ZNF426: variants seen among roughly 807,000 people sequenced by gnomAD.
ZNF426 encodes the protein CTC-543D15.7.
In ZNF426, 23 loss-of-function variants were observed where a neutral mutation model predicts 24.0. The ratio of observed to expected loss-of-function variants is 0.96; its 90% CI spans 0.69 to 1.36. The LOEUF is 1.36. Ranked by LOEUF, ZNF426 falls within the 40% of genes most tolerant of loss-of-function variation. ZNF426 has a pLI of 0.00. For missense variants in ZNF426, 646 were observed against 658.4 expected (o/e 0.98, Z 0.21); for synonymous variants, 272 against 224.6 (o/e 1.21, Z -1.89).
chr19:9,528,719 G>A lies in ZNF426; in HGVS notation c.1326C>T (p.His442=). ...PSCLNNHMRT[H]SAQKPYTCKE... ...TACAGGTGTATGGTTTCTGGGCACT[G>A]TGCGTTCGCATGTGATTATTAAGAC... The change falls in exon 8 of 8, where the codon CAC becomes CAT. Residue 442 remains histidine, a synonymous_variant. Coordinates refer to ENST00000253115, the MANE Select transcript of ZNF426 (RefSeq NM_024106.3). 1.2e-6 allele frequency: 2 copies of A among 1,614,146 alleles called. No individual in the cohort carries two copies. Among genetic ancestry groups the A allele is most frequent in the Non-Finnish European group, 1.7e-6 (2 of 1,180,020 alleles).
At chr19:9,531,611 T>C (rs2073884885) in intron 6 of ZNF426, among the ~76,000 whole-genome samples, 1 of 152,114 alleles carries the variant, frequency 6.6e-6, no homozygotes, top group African/African-American at 2.4e-5. Context: ...AAATTGATGC[T>C]ATGAAAATTA....
chr19:9,536,697 T>G, intron 2 of ZNF426: 1 of 208,636 alleles, frequency 4.8e-6, no homozygotes, highest in South Asian at 7.1e-5. Context: ...TTGGAAACAC[T>G]CAAATCAAAT....
In ZNF426 at chr19:9,536,331, C is replaced by T. The variant is rs1252857622; in HGVS notation, c.-99G>A. 6.2e-7 allele frequency: 1 copy of T among 1,610,062 alleles called. No individual in the cohort carries two copies. Among genetic ancestry groups the T allele is most frequent in the Admixed American group, 1.7e-5 (1 of 59,312 alleles). On this transcript the variant is annotated 5_prime_UTR_variant, in exon 3 of 8. Transcript: ENST00000253115. ...AAATGGACAGTGGCAATCTCCATTC[C>T]TCTTTAAACAGGGTTATTGGGATTC...
At chr19:9,533,262 A>G (rs568322434) in intron 5 of ZNF426, among the ~76,000 whole-genome samples, 10 of 150,608 alleles carry the variant, frequency 6.6e-5, no homozygotes, top group Non-Finnish European at 1.2e-4. Flanking sequence ...CCTGGCCAAC[A>G]TGGTGAAACC....
At position 9,529,370 on chromosome 19, in the gene ZNF426, T is replaced by C. The variant is rs2073846491; in HGVS notation, c.675A>G (p.Glu225=). Residue 225 remains glutamate, a synonymous_variant, in exon 8 of 8, where the codon GAA becomes GAG. Coordinates refer to ENST00000253115, the MANE Select transcript of ZNF426 (RefSeq NM_024106.3). ...TGAAGGATTTTCCACAGTGACTACA[T>C]TCAAATGACTTTTCTTGTGTGCTAG... ...QRTSTQEKSF[E]CSHCGKSFIN... is the part of the protein sequence containing the mutation. The C allele has an allele frequency of 1.3e-5, 21 of 1,614,112 alleles. No homozygotes were observed. Among genetic ancestry groups the C allele is most frequent in the Non-Finnish European group, 1.8e-5 (21 of 1,180,050 alleles).
Position 9,528,524 on chromosome 19 carries a change from C to A in ZNF426, c.1521G>T (p.Lys507Asn). ...AACACGTGAAGGCTTTCCCACACTC[C>A]TTGCATTCATAGGGTTTCTCTCCAG... is the stretch of plus-strand genomic sequence containing the variant. ...THTGEKPYEC[K>N]ECGKAFTCSS... is the part of the protein sequence containing the mutation. The change falls in exon 8 of 8, where the codon AAG becomes AAT. Residue 507 changes from lysine (K) to asparagine (N), a missense_variant. Physicochemically the swap from Lys to Asn is moderately conservative, Grantham distance 94. Coordinates refer to ENST00000253115, the MANE Select transcript of ZNF426 (RefSeq NM_024106.3). The A allele has an allele frequency of 6.2e-7, 1 of 1,614,048 alleles. No individual in the cohort carries two copies. Among genetic ancestry groups the A allele is most frequent in the Non-Finnish European group, 8.5e-7 (1 of 1,179,984 alleles).
At chr19:9,536,823 A>T (rs371027086) in intron 2 of ZNF426, among the ~76,000 whole-genome samples, 8 of 151,680 alleles carry the variant, frequency 5.3e-5, no homozygotes, top group South Asian at 4.2e-4. Context: ...TATCTGGTTA[A>T]TTTTTTTCCA....
Position 9,527,260 on chromosome 19 carries a change from T to C in ZNF426, c.*1120A>G, listed in dbSNP as rs2073803969. 1 of 152,168 alleles carries C rather than the reference T, an allele frequency of 6.6e-6. No individual in the cohort carries two copies. The highest frequency in any genetic ancestry group is 2.4e-5 in the African/African-American group (1 of 41,450). 9.4% of individuals were successfully genotyped at this position (152,168 alleles called of 1,614,324 possible). A position where few individuals can be genotyped will look rare whatever the true frequency, so the allele number is the denominator to read the frequency against. Reference sequence around the variant, plus strand: ...ATTAATGTAAGGCTTCCTACATGCATTACAGGTAAAAGGCTTCTCTCCAGT... The same window carrying C: ...ATTAATGTAAGGCTTCCTACATGCACTACAGGTAAAAGGCTTCTCTCCAGT... On this transcript the variant is annotated 3_prime_UTR_variant, in exon 8 of 8. Coordinates refer to ENST00000253115, the MANE Select transcript of ZNF426 (RefSeq NM_024106.3).
In ZNF426 at chr19:9,528,545, T is replaced by C; in HGVS notation, c.1500A>G (p.Gly500=). The change falls in exon 8 of 8, where the codon GGA becomes GGG. Residue 500 remains glycine, a synonymous_variant. Coordinates refer to ENST00000253115, the MANE Select transcript of ZNF426 (RefSeq NM_024106.3). ...ACTCCTTGCATTCATAGGGTTTCTCTCCAGTGTGAGTCCTTTCATGTATTT... is the reference window on the plus strand; with the variant it reads ...ACTCCTTGCATTCATAGGGTTTCTCCCCAGTGTGAGTCCTTTCATGTATTT... ...SFQIHERTHT[G]EKPYECKECG... 1 of 1,614,206 alleles carries C rather than the reference T, an allele frequency of 6.2e-7. No individual in the cohort carries two copies. The highest frequency in any genetic ancestry group is 1.1e-5 in the South Asian group (1 of 91,080).
chr19:9,533,721 G>A, intron 5 of ZNF426, 119 bp downstream of exon 5: 3 of 1,396,198 alleles, frequency 2.1e-6, no homozygotes, highest in Admixed American at 4.0e-5. Context: ...ATTTAGGACA[G>A]GGACTATGTC....
intron 5 of ZNF426, 114 bp downstream of exon 5, chr19:9,533,726 T>C: frequency 7.1e-7 from 1 of 1,405,302 alleles, no homozygotes; most frequent in Non-Finnish European, 9.9e-7. Context: ...GGACAGGGAC[T>C]ATGTCTCTGT....
At chr19:9,533,810 G>C in intron 5 of ZNF426, 30 bp downstream of exon 5, 2 of 1,613,122 alleles carry the variant, frequency 1.2e-6, no homozygotes, top group East Asian at 4.5e-5. Context: ...CAGTTCCATA[G>C]AAGGCTGCAA....
At chr19:9,537,162 C>A (rs2073979261) in intron 2 of ZNF426, among the ~76,000 whole-genome samples, 1 of 151,628 alleles carries the variant, frequency 6.6e-6, no homozygotes, top group African/African-American at 2.4e-5. Context: ...TAATGACAAT[C>A]ATTAATTAAT....
At chr19:9,533,221 G>C (rs1422457926) in intron 5 of ZNF426, among the ~76,000 whole-genome samples, 2 of 151,972 alleles carry the variant, frequency 1.3e-5, no homozygotes, top group African/African-American at 4.8e-5. Context: ...TGAGGCAGGT[G>C]GATCACTTGA....
At chr19:9,531,487 A>G (rs1568484551) in intron 6 of ZNF426, among the ~76,000 whole-genome samples, 1 of 152,234 alleles carries the variant, frequency 6.6e-6, no homozygotes, top group East Asian at 1.9e-4. Context: ...AAAAGCAGAA[A>G]GACATTTGGG....
chr19:9,528,509 G>A lies in ZNF426; in HGVS notation c.1536C>T (p.Ala512=), dbSNP rs1025051211. ...KPYECKECGK[A]FTCSSSFRIH... ...TTCTAAAGGAACTGGAACACGTGAAGGCTTTCCCACACTCCTTGCATTCAT... is the reference window on the plus strand; with the variant it reads ...TTCTAAAGGAACTGGAACACGTGAAAGCTTTCCCACACTCCTTGCATTCAT... Residue 512 remains alanine, a synonymous_variant, in exon 8 of 8, where the codon GCC becomes GCT. Transcript: ENST00000253115. The A allele has an allele frequency of 5.0e-6, 8 of 1,614,122 alleles. No homozygotes were observed. In the Admixed American group the frequency reaches 1.0e-4, roughly 20 times the overall value.
At chr19:9,534,617 C>T (rs952359703) in intron 4 of ZNF426, among the ~76,000 whole-genome samples, 7 of 148,680 alleles carry the variant, frequency 4.7e-5, no homozygotes, top group African/African-American at 1.5e-4. Context: ...TTTTTTGAGA[C>T]GGAGTCTTGC....
chr19:9,532,617 T>C (rs1021764487), intron 6 of ZNF426, among the ~76,000 whole-genome samples: 1 of 152,112 alleles, frequency 6.6e-6, no homozygotes, highest in Non-Finnish European at 1.5e-5. Context: ...TTTAATATTT[T>C]TGGACCATGG....
In ZNF426 at chr19:9,538,565, C is replaced by G. The variant is rs1007895678; in HGVS notation, c.-212+10G>C. 6.6e-6 allele frequency: 1 copy of G among 152,262 alleles called. No individual in the cohort carries two copies. The highest frequency in any genetic ancestry group is 2.1e-4 in the South Asian group (1 of 4,832). The allele number at this position is 152,262 out of a possible 1,614,324, so 9.4% of individuals were successfully genotyped here. On this transcript the variant is annotated intron_variant, in intron 1 of 7. Transcript: ENST00000253115. ...TCACCCCAAAACCAGTTCATCTCCT[C>G]GGAACTCACCCAGGCCAGTGAGGCC...
Sources: gnomAD v4.1 joint callset for allele counts (sites outside exome capture counted in the v4.1 genomes callset) on GRCh38, gnomAD v4.1.1 for gene constraint, MANE v1.5 for transcripts, NCBI Gene and HGNC (gene_info 2026-07-23, HGNC 2026-07-21) for gene names.